Variants in LRRC63 observed in about 807,000 individuals in gnomAD.
LRRC63 encodes leucine-rich repeat-containing protein 63.
A neutral mutation model predicts 49.5 loss-of-function variants in LRRC63; 40 were observed. The ratio of observed to expected loss-of-function variants is 0.81; its 90% CI spans 0.63 to 1.05. The LOEUF (loss-of-function observed/expected upper bound fraction) is 1.05, where lower values mean the gene tolerates loss of function less well. Among genes scored for constraint, LRRC63 ranks in the 50% least tolerant of loss-of-function variants. The probability of loss-of-function intolerance (pLI) is 0.00; values close to 1 mark genes in which losing one functional copy is unlikely to be tolerated. For synonymous variants in LRRC63, 191 were observed against 221.1 expected (o/e 0.86, Z 1.21); for missense variants, 636 against 663.1 (o/e 0.96, Z 0.45).
intron 6 of LRRC63, among the ~76,000 whole-genome samples, chr13:46,249,302 T>G (rs2138518453): frequency 6.6e-6 from 1 of 151,494 alleles, no homozygotes; most frequent in South Asian, 2.1e-4. Context: ...ATTAGTGAAA[T>G]AGAAGATAGA....
At chr13:46,250,187 C>G in intron 6 of LRRC63, 168 bp from the exon 7 acceptor site, 1 of 535,580 alleles carries the variant, frequency 1.9e-6, no homozygotes, top group South Asian at 2.5e-5. Flanking sequence ...TAATGCTGGT[C>G]ACTTGTTTTG....
At chr13:46,240,416 C>T (rs927850939) in intron 5 of LRRC63, among the ~76,000 whole-genome samples, 2 of 151,968 alleles carry the variant, frequency 1.3e-5, no homozygotes, top group African/African-American at 2.4e-5. Flanking sequence ...TGTGAGCCAC[C>T]GCGCCCGGCC....
chr13:46,235,428 A>G (rs555720159), intron 5 of LRRC63, among the ~76,000 whole-genome samples: 3 of 152,316 alleles, frequency 2.0e-5, no homozygotes, highest in South Asian at 4.1e-4. Context: ...GCTGAAAAAT[A>G]CAATAACTGA....
At chr13:46,235,902 A>G (rs1036659723) in intron 5 of LRRC63, among the ~76,000 whole-genome samples, 2 of 152,140 alleles carry the variant, frequency 1.3e-5, no homozygotes, top group Non-Finnish European at 2.9e-5. Context: ...TAATGTGTGA[A>G]CAAAGATTTC....
At chr13:46,250,610 T>C (rs1004558648) in intron 7 of LRRC63, 119 bp downstream of exon 7, 1 of 805,688 alleles carries the variant, frequency 1.2e-6, no homozygotes, top group African/African-American at 1.7e-5. Context: ...TGTATTCTAT[T>C]CTAATTAGCT....
intron 9 of LRRC63, among the ~76,000 whole-genome samples, chr13:46,273,023 T>C (rs2047781289): frequency 6.6e-6 from 1 of 152,232 alleles, no homozygotes. Flanking sequence ...TCTCTCTATA[T>C]TTCCTTATTG....
At chr13:46,265,387 A>T (rs575952284) in intron 8 of LRRC63, among the ~76,000 whole-genome samples, 2 of 152,280 alleles carry the variant, frequency 1.3e-5, no homozygotes, top group East Asian at 3.9e-4. Context: ...CTACTATAAC[A>T]AAACACCATA....
At chr13:46,243,319 G>A (rs1421409417) in intron 5 of LRRC63, among the ~76,000 whole-genome samples, 1 of 152,108 alleles carries the variant, frequency 6.6e-6, no homozygotes, top group Non-Finnish European at 1.5e-5. Context: ...TAATAGCACA[G>A]AATCAAAACA....
At position 46,220,110 on chromosome 13, in the gene LRRC63, C is replaced by T. The variant is rs545611119; in HGVS notation, c.85+6991C>T. On this transcript the variant is annotated intron_variant, in intron 2 of 9. Coordinates refer to ENST00000595396, the Ensembl canonical transcript of LRRC63. Reference sequence around the variant, plus strand: ...GGACCCACTTGAGGAGGCAGTCTGTCCCCCTTAGCAGAGCTCAAGTGCTGT... The same window carrying T: ...GGACCCACTTGAGGAGGCAGTCTGTTCCCCTTAGCAGAGCTCAAGTGCTGT... Among the ~76,000 whole-genome samples, 4 of 152,330 alleles carry T rather than the reference C, an allele frequency of 2.6e-5. No homozygotes were observed. In the East Asian group the frequency reaches 5.8e-4, roughly 22 times the overall value.
rs181176265 is a variant in LRRC63, at chr13:46,248,705, G to A, written c.1090-1650G>A. 2.0e-3 allele frequency among the ~76,000 whole-genome samples: 297 copies of A among 151,902 alleles called. 6 individuals carry two copies. The highest frequency in any genetic ancestry group is 0.017 in the Admixed American group (258 of 15,230). ...TTGGACACTTCAATATCCCACTTTC[G>A]ATAATGAATAGAAAAATTAGGCAGA... is the stretch of plus-strand genomic sequence containing the variant. On this transcript the variant is annotated intron_variant, in intron 6 of 9. Coordinates refer to ENST00000595396, the Ensembl canonical transcript of LRRC63.
chr13:46,249,528 G>A (rs952082498), intron 6 of LRRC63, among the ~76,000 whole-genome samples: 1 of 151,762 alleles, frequency 6.6e-6, no homozygotes, highest in Admixed American at 6.6e-5. Context: ...TAACTTAGGT[G>A]AAATGAACAC....
intron 4 of LRRC63, among the ~76,000 whole-genome samples, chr13:46,231,815 CTTT>C (rs1295050179): frequency 7.5e-6 from 1 of 133,452 alleles, no homozygotes; most frequent in African/African-American, 2.8e-5. Flanking sequence ...CTGCCACACA[CTTT>C]TTTTTTTTTT....
At chr13:46,228,275 G>A (rs908284303) in intron 3 of LRRC63, 86 bp downstream of exon 3, 25 of 1,051,668 alleles carry the variant, frequency 2.4e-5, no homozygotes, top group South Asian at 5.1e-5. Flanking sequence ...TACCCCTCCC[G>A]CTTTGGGTTT....
intron 5 of LRRC63, among the ~76,000 whole-genome samples, chr13:46,245,317 A>T (rs1279801284): frequency 6.6e-6 from 1 of 152,172 alleles, no homozygotes; most frequent in Non-Finnish European, 1.5e-5. Context: ...AATTCAATAA[A>T]GATATAGAAG....
At chr13:46,247,191 G>A (rs1398115500) in intron 6 of LRRC63, among the ~76,000 whole-genome samples, 1 of 151,958 alleles carries the variant, frequency 6.6e-6, no homozygotes, top group Non-Finnish European at 1.5e-5. Context: ...CCAGAGTATT[G>A]TCTTTTAGTG....
At chr13:46,217,252 G>A (rs1344543822) in intron 2 of LRRC63, among the ~76,000 whole-genome samples, 1 of 152,168 alleles carries the variant, frequency 6.6e-6, no homozygotes, top group Non-Finnish European at 1.5e-5. Context: ...GCTTTCTTTG[G>A]TTGGTAGGCT....
chr13:46,222,683 C>A (rs1386383902), intron 2 of LRRC63, among the ~76,000 whole-genome samples: 1 of 151,706 alleles, frequency 6.6e-6, no homozygotes, highest in African/African-American at 2.4e-5. Flanking sequence ...ACTAGAAATA[C>A]CATTTGACCC....
At chr13:46,236,140 A>G (rs982144739) in intron 5 of LRRC63, among the ~76,000 whole-genome samples, 1 of 152,106 alleles carries the variant, frequency 6.6e-6, no homozygotes, top group African/African-American at 2.4e-5. Flanking sequence ...GAAAAAAAAT[A>G]AAGAAAAATG....
intron 7 of LRRC63, among the ~76,000 whole-genome samples, chr13:46,251,548 G>T (rs188915260): frequency 9.9e-4 from 150 of 151,906 alleles, no homozygotes; most frequent in African/African-American, 3.4e-3. Flanking sequence ...AGAAAATAGT[G>T]TTTAAAAGCC....
Sources: allele counts gnomAD v4.1 joint callset (sites outside exome capture counted in the v4.1 genomes callset), GRCh38; gene constraint gnomAD v4.1.1; transcripts MANE v1.5; gene names NCBI Gene and HGNC (gene_info 2026-07-23, HGNC 2026-07-21).